Variants in CEP83 observed in about 807,000 individuals in gnomAD.
CEP83 encodes centrosomal protein 83, also known as centrosomal protein of 83 kDa.
Under a neutral mutation model 101.9 loss-of-function variants are expected in CEP83, and 70 were observed. The observed-to-expected ratio is 0.69, with a 90% confidence interval of 0.57 to 0.84. The LOEUF (loss-of-function observed/expected upper bound fraction) is 0.84, where lower values mean the gene tolerates loss of function less well. Ranked by LOEUF, CEP83 falls within the 40% of genes least tolerant of loss-of-function variation. The pLI is 0.00. For missense variants in CEP83, 715 were observed against 787.2 expected, an observed-to-expected ratio of 0.91 and a Z score of 1.10; for synonymous variants, 264 against 267.9, an observed-to-expected ratio of 0.99 and a Z score of 0.14.
chr12:94,296,217 G>A, the CEP83 span, among the ~76,000 whole-genome samples: 1 of 152,168 alleles, frequency 6.6e-6, no homozygotes, highest in African/African-American at 2.4e-5. Flanking sequence ...CTGTAGTGCA[G>A]TGGTACAATC....
intron 6 of CEP83, among the ~76,000 whole-genome samples, chr12:94,396,449 A>ATT (rs1369334443): frequency 2.0e-5 from 3 of 151,356 alleles, no homozygotes; most frequent in Admixed American, 2.0e-4. Flanking sequence ...CCACCACACC[A>ATT]GGCTAATTTT....
At chr12:94,318,973 CAGG>C (rs1321475810) in intron 14 of CEP83, among the ~76,000 whole-genome samples, 1 of 152,110 alleles carries the variant, frequency 6.6e-6, no homozygotes, top group African/African-American at 2.4e-5. Flanking sequence ...TTAACAGTTT[CAGG>C]AGAAGCAGTA....
At chr12:94,297,231 G>T in the CEP83 span, 10 of 1,614,026 alleles carry the variant, frequency 6.2e-6, no homozygotes, top group Non-Finnish European at 8.5e-6. Context: ...GTGAGTTCAG[G>T]CTTTCTTGTG....
intron 16 of CEP83, among the ~76,000 whole-genome samples, chr12:94,309,643 C>T (rs1969529432): frequency 6.6e-6 from 1 of 152,262 alleles, no homozygotes; most frequent in South Asian, 2.1e-4. Context: ...CTAGGTTACT[C>T]AATGACTCAA....
intron 2 of CEP83, among the ~76,000 whole-genome samples, chr12:94,421,276 C>T (rs564097813): frequency 9.9e-5 from 15 of 151,952 alleles, no homozygotes; most frequent in Non-Finnish European, 1.8e-4. Context: ...CCAGGCTTGG[C>T]TTGAACTCCC....
At chr12:94,418,661 G>C (rs1198544168) in intron 2 of CEP83, among the ~76,000 whole-genome samples, 1 of 152,166 alleles carries the variant, frequency 6.6e-6, no homozygotes, top group Non-Finnish European at 1.5e-5. Context: ...TAAGGGAATG[G>C]GGAAATGGGA....
At chr12:94,410,712 T>C (rs2063825867) in intron 4 of CEP83, among the ~76,000 whole-genome samples, 1 of 152,232 alleles carries the variant, frequency 6.6e-6, no homozygotes, top group Admixed American at 6.5e-5. Context: ...AATGCATTGA[T>C]TCTACAGGCT....
At position 94,308,168 on chromosome 12, in the gene CEP83, G is replaced by A. The variant is rs1969277548; in HGVS notation, c.*645C>T. The A allele has an allele frequency of 6.6e-6, 1 of 152,074 alleles. No homozygotes were observed. The highest frequency in any genetic ancestry group is 1.5e-5 in the Non-Finnish European group (1 of 67,992). 9.4% of individuals were successfully genotyped at this position (152,074 alleles called of 1,614,324 possible). On this transcript the variant is annotated 3_prime_UTR_variant, in exon 17 of 17. Transcript: ENST00000397809. ...AATCAATGGCCCCCTTGTTAATACAGCCATAGGATTTAATTATTTGCACTT... is the reference window on the plus strand; with the variant it reads ...AATCAATGGCCCCCTTGTTAATACAACCATAGGATTTAATTATTTGCACTT...
intron 6 of CEP83, among the ~76,000 whole-genome samples, chr12:94,395,752 C>T (rs1278192024): frequency 6.6e-6 from 1 of 152,130 alleles, no homozygotes; most frequent in Non-Finnish European, 1.5e-5. Flanking sequence ...ACCCAGAAGG[C>T]AGAGCTTGCA....
At chr12:94,326,886 C>G (rs140320064) in intron 14 of CEP83, among the ~76,000 whole-genome samples, 2 of 152,312 alleles carry the variant, frequency 1.3e-5, no homozygotes, top group African/African-American at 4.8e-5. Context: ...GGCACTCTGA[C>G]TGTAGATTTC....
At chr12:94,314,445 G>T (rs1296019373) in intron 14 of CEP83, among the ~76,000 whole-genome samples, 2 of 152,098 alleles carry the variant, frequency 1.3e-5, no homozygotes, top group Non-Finnish European at 1.5e-5. Context: ...GCCTATTTTT[G>T]AACCTCATAT....
At chr12:94,372,974 A>G (rs1217769905) in intron 8 of CEP83, among the ~76,000 whole-genome samples, 1 of 152,182 alleles carries the variant, frequency 6.6e-6, no homozygotes, top group Admixed American at 6.6e-5. Flanking sequence ...ACGTATGAAA[A>G]TGTATTACCC....
At chr12:94,325,212 C>T (rs2058923178) in intron 14 of CEP83, among the ~76,000 whole-genome samples, 3 of 151,120 alleles carry the variant, frequency 2.0e-5, no homozygotes, top group Admixed American at 6.6e-5. Context: ...TGCTGTGCTG[C>T]CCAGGCTGGA....
the CEP83 span, among the ~76,000 whole-genome samples, chr12:94,285,271 C>G: frequency 7.2e-4 from 110 of 152,316 alleles, no homozygotes; most frequent in African/African-American, 2.5e-3. Context: ...GGACCTAGGA[C>G]TCTGCCAGAT....
the CEP83 span, chr12:94,294,550 A>G: frequency 1.6e-4 from 185 of 1,171,292 alleles, 1 homozygote; most frequent in Admixed American, 1.9e-3. Flanking sequence ...GGTAACCAAT[A>G]TAATATTGTT....
intron 15 of CEP83, 174 bp downstream of exon 15, chr12:94,312,740 A>G (rs956026317): frequency 1.0e-6 from 1 of 985,054 alleles, no homozygotes; most frequent in African/African-American, 1.7e-5. Flanking sequence ...TTTTGGTTTA[A>G]AGAAACATTC....
chr12:94,294,882 A>T, the CEP83 span, among the ~76,000 whole-genome samples: 1 of 152,124 alleles, frequency 6.6e-6, no homozygotes, highest in South Asian at 2.1e-4. Context: ...ACTGAGAGGG[A>T]AGAGTACAGA....
chr12:94,377,062 C>T (rs371808061), intron 7 of CEP83, among the ~76,000 whole-genome samples: 5 of 152,022 alleles, frequency 3.3e-5, no homozygotes, highest in South Asian at 2.1e-4. Context: ...AAAATGAAGA[C>T]ATTTTGGCAT....
chr12:94,387,381 T>C (rs2062213992), intron 6 of CEP83, among the ~76,000 whole-genome samples: 2 of 152,136 alleles, frequency 1.3e-5, no homozygotes. Flanking sequence ...GGGATCTAGG[T>C]TGCATGCTCC....
Sources: gnomAD v4.1 joint callset for allele counts (sites outside exome capture counted in the v4.1 genomes callset) on GRCh38, gnomAD v4.1.1 for gene constraint, MANE v1.5 for transcripts, NCBI Gene and HGNC (gene_info 2026-07-23, HGNC 2026-07-21) for gene names.